Variants in GRIA3 observed in about 807,000 individuals in gnomAD.
The protein encoded by GRIA3 is glutamate ionotropic receptor AMPA type subunit 3, also known as glutamate receptor 3.
In GRIA3, 3 loss-of-function variants were observed where a neutral mutation model predicts 63.0. That is an observed-to-expected ratio of 0.05 (90% CI 0.02 to 0.12). The LOEUF (loss-of-function observed/expected upper bound fraction) is 0.12. GRIA3 is among the 10% of genes least tolerant of loss of function. The pLI is 1.00. For synonymous variants in GRIA3, 274 were observed against 257.9 expected (o/e 1.06, Z -0.60); for missense variants, 347 against 700.9 (o/e 0.50, Z 5.70).
intron 14 of GRIA3, among the ~76,000 whole-genome samples, chrX:123,480,652 A>G (rs1412997434): frequency 8.9e-6 from 1 of 112,064 alleles, no homozygotes; most frequent in East Asian, 2.8e-4. Context: ...AGTCAAACGA[A>G]TAAATAACAA....
At chrX:123,398,592 G>T (rs1412632767) in intron 6 of GRIA3, 44 bp from the exon 7 acceptor site, 2 of 1,079,904 alleles carry the variant, frequency 1.9e-6, no homozygotes, top group African/African-American at 3.7e-5. Flanking sequence ...AATTTTGAGG[G>T]TATCATTTAT....
At chrX:123,202,823 G>C in intron 2 of GRIA3, 1 of 1,109,863 alleles carries the variant, frequency 9.0e-7, no homozygotes, top group Non-Finnish European at 1.2e-6. Context: ...TGGAAGGAAA[G>C]GGGAAAGAAT....
In GRIA3 at chrX:123,440,049, T is replaced by C. The variant is rs370492772; in HGVS notation, c.2076+11910T>C. The stretch of plus-strand genomic sequence containing the variant: ...CTTATAAGTGGGAACACATGGTATG[T>C]GGTTTTCTGTTCCTGCATCAGTTTG... On this transcript the variant is annotated intron_variant, in intron 12 of 15. Coordinates refer to ENST00000620443, the MANE Select transcript of GRIA3 (RefSeq NM_007325.5). Among the ~76,000 whole-genome samples, 63 of 112,161 alleles carry C rather than the reference T, an allele frequency of 5.6e-4. 2 individuals carry two copies. The South Asian group carries it at 0.023, about 41-fold the overall frequency.
chrX:123,468,749 CT>C (rs2045847638), intron 13 of GRIA3, among the ~76,000 whole-genome samples: 1 of 112,238 alleles, frequency 8.9e-6, no homozygotes, highest in African/African-American at 3.2e-5. Flanking sequence ...AGCAAAATGA[CT>C]TGAGATTTAC....
At chrX:123,243,592 A>G (rs1275902357) in intron 2 of GRIA3, among the ~76,000 whole-genome samples, 2 of 112,196 alleles carry the variant, frequency 1.8e-5, no homozygotes, top group African/African-American at 3.2e-5. Context: ...AATTAAAACC[A>G]CCTTATCATG....
intron 4 of GRIA3, among the ~76,000 whole-genome samples, chrX:123,349,150 T>C (rs973459141): frequency 1.6e-4 from 18 of 112,513 alleles, no homozygotes; most frequent in African/African-American, 4.5e-4. Context: ...TCATGTGATA[T>C]GCAGATAAGA....
chrX:123,415,410 G>A (rs1422995566), intron 10 of GRIA3, among the ~76,000 whole-genome samples: 3 of 111,969 alleles, frequency 2.7e-5, no homozygotes, highest in African/African-American at 9.7e-5. Flanking sequence ...CACTTTCTGT[G>A]AGATGGAAAC....
chrX:123,487,073 A>C (rs2045945898), intron 15 of GRIA3, among the ~76,000 whole-genome samples: 1 of 111,955 alleles, frequency 8.9e-6, no homozygotes, highest in Non-Finnish European at 1.9e-5. Context: ...TTTAGCTCCC[A>C]CTAGGGAGCA....
At chrX:123,317,474 G>C (rs2044839433) in intron 3 of GRIA3, among the ~76,000 whole-genome samples, 1 of 112,271 alleles carries the variant, frequency 8.9e-6, no homozygotes, top group Admixed American at 9.4e-5. Context: ...TTGCTTCTTA[G>C]ATACAATGGA....
At chrX:123,204,296 C>T in intron 2 of GRIA3, 2 of 647,400 alleles carry the variant, frequency 3.1e-6, no homozygotes, top group Non-Finnish European at 2.5e-6. Context: ...AGCCTGTGGG[C>T]ATCCTGCAGG....
rs898735011 is a variant in GRIA3 at position 123,471,271 on chromosome X, T to C, written c.2324+6159T>C. The stretch of plus-strand genomic sequence containing the variant: ...ACCAGTCCAATGGCTGCCAAAACCA[T>C]TGATTTTGCCAAATGATATTAAAGA... On this transcript the variant is annotated intron_variant, in intron 13 of 15. Transcript: ENST00000620443. Among the ~76,000 whole-genome samples the C allele has an allele frequency of 3.6e-5, 4 of 111,712 alleles. No homozygotes were observed. In the Admixed American group the frequency reaches 3.8e-4, roughly 11 times the overall value.
intron 13 of GRIA3, among the ~76,000 whole-genome samples, chrX:123,472,294 A>G (rs1352050380): frequency 9.3e-6 from 1 of 108,101 alleles, no homozygotes; most frequent in East Asian, 2.9e-4. Flanking sequence ...GGATCAGGGG[A>G]ATGAGTTAAA....
intron 5 of GRIA3, among the ~76,000 whole-genome samples, chrX:123,381,213 G>A (rs1329335155): frequency 3.6e-5 from 4 of 110,957 alleles, no homozygotes; most frequent in Non-Finnish European, 7.6e-5. Flanking sequence ...AACAGCCTAA[G>A]GAGAAAATCT....
intron 10 of GRIA3, among the ~76,000 whole-genome samples, chrX:123,407,343 A>G (rs941073345): frequency 9.0e-6 from 1 of 111,616 alleles, no homozygotes; most frequent in African/African-American, 3.3e-5. Flanking sequence ...AAGACCAAAC[A>G]GTTTACAGTG....
At chrX:123,200,530 AT>A (rs773568252) in intron 2 of GRIA3, among the ~76,000 whole-genome samples, 1,174 of 107,841 alleles carry the variant, frequency 0.011, 13 homozygotes, top group African/African-American at 0.037. Flanking sequence ...ATGTACATAT[AT>A]TTATATATTT....
intron 6 of GRIA3, among the ~76,000 whole-genome samples, chrX:123,396,695 C>T (rs1446635014): frequency 8.9e-6 from 1 of 111,749 alleles, no homozygotes; most frequent in African/African-American, 3.3e-5. Context: ...GAAATGTTTT[C>T]CTGCTTGCTA....
chrX:123,234,209 G>C (rs1490812354), intron 2 of GRIA3, among the ~76,000 whole-genome samples: 1 of 110,990 alleles, frequency 9.0e-6, no homozygotes, highest in Non-Finnish European at 1.9e-5. Context: ...AAGGCTAACT[G>C]ACCCCCTTAC....
intron 2 of GRIA3, among the ~76,000 whole-genome samples, chrX:123,246,306 C>A (rs2044359144): frequency 8.9e-6 from 1 of 112,076 alleles, no homozygotes; most frequent in Non-Finnish European, 1.9e-5. Context: ...TATTATCATA[C>A]AGTTCTGTAG....
intron 7 of GRIA3, among the ~76,000 whole-genome samples, chrX:123,400,565 T>C (rs906729215): frequency 8.9e-6 from 1 of 112,100 alleles, no homozygotes; most frequent in Non-Finnish European, 1.9e-5. Flanking sequence ...GCATCCCTCA[T>C]TGTGACTAGC....
Sources: gnomAD v4.1 joint callset for allele counts (sites outside exome capture counted in the v4.1 genomes callset) on GRCh38, gnomAD v4.1.1 for gene constraint, MANE v1.5 for transcripts, NCBI Gene and HGNC (gene_info 2026-07-23, HGNC 2026-07-21) for gene names.